The following TSPAN9 variants were observed in gnomAD, a reference collection of about 807,000 sequenced individuals.
TSPAN9 encodes tetraspanin 9, also known as tetraspanin-9.
A neutral mutation model predicts 31.0 loss-of-function variants in TSPAN9; 16 were observed. The ratio of observed to expected loss-of-function variants is 0.52; its 90% confidence interval spans 0.35 to 0.78. The LOEUF (loss-of-function observed/expected upper bound fraction) is 0.78. Ranked by LOEUF, TSPAN9 falls within the 30% of genes least tolerant of loss-of-function variation. The pLI, the probability that TSPAN9 is intolerant of heterozygous loss-of-function variation, is 0.01. For synonymous variants in TSPAN9, 145 were observed against 121.6 expected (o/e 1.19, Z -1.27); for missense variants, 272 against 312.5 (o/e 0.87, Z 0.98).
Position 3,187,778 on chromosome 12 carries a change from C to T in TSPAN9, c.-17-13399C>T, listed in dbSNP as rs749294443. 6.6e-6 allele frequency among the ~76,000 whole-genome samples: 1 copy of T among 152,062 alleles called. No homozygotes were observed. The highest frequency in any genetic ancestry group is 1.5e-5 in the Non-Finnish European group (1 of 68,020). On this transcript the variant is annotated intron_variant, in intron 2 of 8. Transcript: ENST00000011898. This position sits in a 1 kb window ranked among gnomAD's most constrained non-coding sequence, Gnocchi z 5.2. ...TCATTCTGTTTGGATGCCATGCAAG[C>T]CCAACACGTACCCCTTCTCCAAGAA...
rs890965565 is a variant in TSPAN9, at chr12:3,106,302, C to T, written c.-18+22583C>T. ...AATAATGGCTTTTAGCTTACCACATCCTGTGCCTCAGTTTACCCCTCTTGT... is the reference window on the plus strand; with the variant it reads ...AATAATGGCTTTTAGCTTACCACATTCTGTGCCTCAGTTTACCCCTCTTGT... On this transcript the variant is annotated intron_variant, in intron 2 of 8. Transcript: ENST00000011898. Among the ~76,000 whole-genome samples the T allele has an allele frequency of 1.2e-4, 19 of 152,232 alleles. 1 individual carries two copies. Among genetic ancestry groups the T allele is most frequent in the Admixed American group, 1.2e-3 (18 of 15,292 alleles).
intron 3 of TSPAN9, among the ~76,000 whole-genome samples, chr12:3,226,391 C>G (rs2098387136): frequency 6.6e-6 from 1 of 151,932 alleles, no homozygotes; most frequent in African/African-American, 2.4e-5. Flanking sequence ...AGATTCACAT[C>G]CAAGAAGCCT....
intron 2 of TSPAN9, among the ~76,000 whole-genome samples, chr12:3,174,552 C>T (rs1002637149): frequency 1.3e-5 from 2 of 152,304 alleles, no homozygotes; most frequent in East Asian, 3.9e-4. Context: ...CACACCTGGC[C>T]TTCAGCTGTG....
At chr12:3,225,596 GGA>G (rs1167610247) in intron 3 of TSPAN9, among the ~76,000 whole-genome samples, 1 of 152,076 alleles carries the variant, frequency 6.6e-6, no homozygotes, top group African/African-American at 2.4e-5. Flanking sequence ...CATCCTCGTG[GGA>G]AGATGAGCAA....
rs770539027 is a variant in TSPAN9, at chr12:3,282,834, C to T, written c.649-211C>T. ...GATGGCTTCTGGTCTAACAGCCCCA[C>T]GAGGCTGAGCCAGAGTTCACCTGTG... On this transcript the variant is annotated intron_variant, in intron 8 of 8. Coordinates refer to ENST00000011898, the MANE Select transcript of TSPAN9 (RefSeq NM_006675.5). Among the ~76,000 whole-genome samples, 9 of 152,252 alleles carry T rather than the reference C, an allele frequency of 5.9e-5. No individual in the cohort carries two copies. The East Asian group carries it at 7.7e-4, about 13-fold the overall frequency.
intron 2 of TSPAN9, among the ~76,000 whole-genome samples, chr12:3,119,293 A>G (rs2153966057): frequency 1.3e-5 from 2 of 152,276 alleles, no homozygotes; most frequent in Non-Finnish European, 2.9e-5. Context: ...CTAGACATCT[A>G]CTTATAGGTG....
Position 3,280,597 on chromosome 12 carries a change from C to T in TSPAN9, c.432+114C>T, listed in dbSNP as rs983327250. ...GCACCTGTGCTTTCTGGATTTTAGC[C>T]GGGAGTGGAGTGGTACCCACGGGGG... On this transcript the variant is annotated intron_variant, in intron 6 of 8. Coordinates refer to ENST00000011898, the MANE Select transcript of TSPAN9 (RefSeq NM_006675.5). This position sits in a 1 kb window ranked among gnomAD's most constrained non-coding sequence, Gnocchi z 4.5. 3.3e-5 allele frequency: 33 copies of T among 993,994 alleles called. No homozygotes were observed. Among genetic ancestry groups the T allele is most frequent in the Middle Eastern group, 5.6e-4 (2 of 3,584 alleles). 61.6% of individuals were successfully genotyped at this position (993,994 alleles called of 1,614,324 possible). A position where few individuals can be genotyped will look rare whatever the true frequency, so the allele number is the denominator to read the frequency against.
chr12:3,237,829 G>T (rs191056793), intron 3 of TSPAN9, among the ~76,000 whole-genome samples: 1 of 152,310 alleles, frequency 6.6e-6, no homozygotes, highest in East Asian at 1.9e-4. Context: ...GCCAGCTGCT[G>T]CCTGCTGCGA....
intron 3 of TSPAN9, among the ~76,000 whole-genome samples, chr12:3,271,972 T>C (rs546103889): frequency 3.7e-4 from 57 of 152,350 alleles, no homozygotes; most frequent in Non-Finnish European, 5.4e-4. Context: ...AAAGCTGTTT[T>C]GGTTTTTTTC....
At position 3,187,877 on chromosome 12, in the gene TSPAN9, A is replaced by G. The variant is rs866930566; in HGVS notation, c.-17-13300A>G. Among the ~76,000 whole-genome samples the G allele has an allele frequency of 4.6e-5, 7 of 152,250 alleles. No individual in the cohort carries two copies. The highest frequency in any genetic ancestry group is 2.1e-4 in the South Asian group (1 of 4,822). On this transcript the variant is annotated intron_variant, in intron 2 of 8. Coordinates refer to ENST00000011898, the MANE Select transcript of TSPAN9 (RefSeq NM_006675.5). The surrounding 1 kb of genome is among the most constrained non-coding windows in gnomAD (Gnocchi z 5.2). The stretch of plus-strand genomic sequence containing the variant: ...CCCAGGCTGAACCTCCAGTCCTTGC[A>G]TGTACTCAGGGGTACTTCTGTCCCA...
Position 3,285,646 on chromosome 12 carries a change from T to C in TSPAN9, c.*2530T>C, listed in dbSNP as rs1411622638. The C allele has an allele frequency of 6.6e-6, 1 of 152,194 alleles. No homozygotes were observed. Among genetic ancestry groups the C allele is most frequent in the Non-Finnish European group, 1.5e-5 (1 of 68,040 alleles). The allele number at this position is 152,194 out of a possible 1,614,324, so 9.4% of individuals were successfully genotyped here. On this transcript the variant is annotated 3_prime_UTR_variant, in exon 9 of 9. Coordinates refer to ENST00000011898, the MANE Select transcript of TSPAN9 (RefSeq NM_006675.5). ...ATGCCAGTGAAGGTGGCACAGCCTC[T>C]CTTCAGTTTCTCCTGACTGTGATCT...
chr12:3,113,060 A>G (rs2098320017), intron 2 of TSPAN9, among the ~76,000 whole-genome samples: 1 of 152,192 alleles, frequency 6.6e-6, no homozygotes, highest in Non-Finnish European at 1.5e-5. Context: ...TATTCGATGA[A>G]TATTTATTGA....
chr12:3,185,992 C>G (rs1287142623), intron 2 of TSPAN9, among the ~76,000 whole-genome samples: 1 of 152,184 alleles, frequency 6.6e-6, no homozygotes, highest in Non-Finnish European at 1.5e-5. Flanking sequence ...GCCCTCGGTA[C>G]TGCCCAGGGT....
intron 3 of TSPAN9, among the ~76,000 whole-genome samples, chr12:3,250,328 C>T (rs1169375711): frequency 6.6e-6 from 1 of 152,206 alleles, no homozygotes; most frequent in Non-Finnish European, 1.5e-5. Flanking sequence ...ATTTCAGGAT[C>T]TGTTAGGCAG....
At chr12:3,214,037 C>T (rs1400539054) in intron 3 of TSPAN9, among the ~76,000 whole-genome samples, 1 of 152,182 alleles carries the variant, frequency 6.6e-6, no homozygotes, top group Non-Finnish European at 1.5e-5. Flanking sequence ...TCCCAGAGAC[C>T]TGGGTTCTAG....
At chr12:3,112,327 C>T (rs1278408955) in intron 2 of TSPAN9, among the ~76,000 whole-genome samples, 2 of 151,736 alleles carry the variant, frequency 1.3e-5, no homozygotes, top group African/African-American at 2.4e-5. Context: ...CAGGCATGCA[C>T]CACCATGCCC....
intron 2 of TSPAN9, among the ~76,000 whole-genome samples, chr12:3,165,284 G>A (rs904527574): frequency 2.0e-5 from 3 of 152,186 alleles, no homozygotes; most frequent in Non-Finnish European, 4.4e-5. Flanking sequence ...TACTGGCCAC[G>A]AATCCCACTG....
intron 2 of TSPAN9, among the ~76,000 whole-genome samples, chr12:3,118,833 T>C (rs1219782895): frequency 6.6e-6 from 1 of 152,148 alleles, no homozygotes; most frequent in African/African-American, 2.4e-5. Context: ...CGCCTCCTTT[T>C]CTTCCCTCCG....
At chr12:3,253,091 A>C (rs1591707266) in intron 3 of TSPAN9, among the ~76,000 whole-genome samples, 2 of 152,180 alleles carry the variant, frequency 1.3e-5, no homozygotes, top group East Asian at 3.9e-4. Context: ...CCCACCTCTC[A>C]GAAGTGCTCC....
Sources: gnomAD v4.1 joint callset for allele counts (sites outside exome capture counted in the v4.1 genomes callset) on GRCh38, gnomAD v4.1.1 for gene constraint, Gnocchi (gnomAD v3.1) non-coding constraint, MANE v1.5 for transcripts, NCBI Gene and HGNC (gene_info 2026-07-23, HGNC 2026-07-21) for gene names.